Variants in CAMKMT observed in about 807,000 individuals in gnomAD.
CAMKMT encodes the protein calmodulin-lysine N-methyltransferase.
A neutral mutation model predicts 48.0 loss-of-function variants in CAMKMT; 53 were observed. That is an observed-to-expected ratio of 1.10 (90% CI 0.89 to 1.39). The LOEUF (loss-of-function observed/expected upper bound fraction) is 1.39. Ranked by LOEUF, CAMKMT falls within the 40% of genes most tolerant of loss-of-function variation. The pLI is 0.00. For missense variants in CAMKMT, 428 were observed against 402.7 expected (o/e 1.06, Z -0.54); for synonymous variants, 165 against 152.3 (o/e 1.08, Z -0.61).
At chr2:44,631,089 C>T (rs1195848047) in intron 3 of CAMKMT, among the ~76,000 whole-genome samples, 3 of 152,166 alleles carry the variant, frequency 2.0e-5, no homozygotes, top group Non-Finnish European at 4.4e-5. Context: ...GAGTTCATGT[C>T]CTTTGTAGGA....
intron 3 of CAMKMT, among the ~76,000 whole-genome samples, chr2:44,418,458 A>T (rs1683717884): frequency 6.6e-6 from 1 of 152,046 alleles, no homozygotes; most frequent in Admixed American, 6.6e-5. Flanking sequence ...GTTGTTTTTC[A>T]CGTGGGTATT....
intron 7 of CAMKMT, among the ~76,000 whole-genome samples, chr2:44,719,291 C>T (rs1280376478): frequency 3.3e-5 from 5 of 152,172 alleles, no homozygotes; most frequent in Non-Finnish European, 7.3e-5. Flanking sequence ...TTAATTTCTG[C>T]TGCCCTTAGA....
chr2:44,752,278 G>T (rs1205002479), intron 8 of CAMKMT, among the ~76,000 whole-genome samples: 1 of 149,524 alleles, frequency 6.7e-6, no homozygotes, highest in Non-Finnish European at 1.5e-5. Flanking sequence ...TAAAGGTATG[G>T]CATGGCAAAA....
chr2:44,519,088 C>A (rs1670972981), intron 3 of CAMKMT, among the ~76,000 whole-genome samples: 1 of 152,146 alleles, frequency 6.6e-6, no homozygotes, highest in Admixed American at 6.5e-5. Flanking sequence ...AACTATTGAA[C>A]CTCTAGGATA....
chr2:44,668,147 C>G lies in CAMKMT; in HGVS notation c.377-36136C>G, dbSNP rs557599779. ...TCTTCAAACCCCTCCAATATCTCCT[C>G]TCCTATTATTCTCAGCTGATGACCT... is the stretch of plus-strand genomic sequence containing the variant. On this transcript the variant is annotated intron_variant, in intron 3 of 10. Coordinates refer to ENST00000378494, the MANE Select transcript of CAMKMT (RefSeq NM_024766.5). 3.3e-5 allele frequency among the ~76,000 whole-genome samples: 5 copies of G among 152,280 alleles called. No homozygotes were observed. The South Asian group carries it at 1.0e-3, about 32-fold the overall frequency.
chr2:44,372,586 T>C (rs962031785), intron 1 of CAMKMT, 130 bp from the exon 2 acceptor site: 12 of 663,970 alleles, frequency 1.8e-5, no homozygotes, highest in African/African-American at 5.5e-5. Context: ...GTAGGAGATA[T>C]ATCTGAATTA....
chr2:44,422,865 T>C (rs1684023070), intron 3 of CAMKMT, among the ~76,000 whole-genome samples: 1 of 152,140 alleles, frequency 6.6e-6, no homozygotes, highest in Admixed American at 6.5e-5. Flanking sequence ...AAGAGATACA[T>C]AGAACCAGTG....
chr2:44,406,194 A>G (rs1258382223), intron 3 of CAMKMT, among the ~76,000 whole-genome samples: 1 of 152,220 alleles, frequency 6.6e-6, no homozygotes, highest in Non-Finnish European at 1.5e-5. Context: ...GTGTTTTAGT[A>G]TGCCTCTAAT....
chr2:44,755,643 C>T (rs1303867578), intron 9 of CAMKMT, among the ~76,000 whole-genome samples: 1 of 152,072 alleles, frequency 6.6e-6, no homozygotes, highest in East Asian at 1.9e-4. Context: ...GCATGATTTA[C>T]AATAGAAAAG....
chr2:44,460,237 G>T (rs1667778977), intron 3 of CAMKMT, among the ~76,000 whole-genome samples: 1 of 152,124 alleles, frequency 6.6e-6, no homozygotes, highest in Non-Finnish European at 1.5e-5. Context: ...TCATTTTGTT[G>T]TTAGTCTTGA....
intron 7 of CAMKMT, among the ~76,000 whole-genome samples, chr2:44,730,355 AG>A (rs1166536997): frequency 1.3e-5 from 2 of 152,168 alleles, no homozygotes; most frequent in East Asian, 1.9e-4. Flanking sequence ...CTCCTTTGGT[AG>A]TACCTTACTT....
rs539408680 is a variant in CAMKMT, at chr2:44,702,866, C to A, written c.377-1417C>A. ...ACCCCCTGAATCTCTTAGGAGTTTA[C>A]TTAACATTTCTTTAACACCCTCTTC... On this transcript the variant is annotated intron_variant, in intron 3 of 10. Transcript: ENST00000378494. 1.1e-4 allele frequency among the ~76,000 whole-genome samples: 16 copies of A among 152,300 alleles called. No individual in the cohort carries two copies. The South Asian group carries it at 3.3e-3, about 32-fold the overall frequency.
chr2:44,413,075 CA>C (rs929207688), intron 3 of CAMKMT, among the ~76,000 whole-genome samples: 1 of 149,932 alleles, frequency 6.7e-6, no homozygotes, highest in Non-Finnish European at 1.5e-5. Flanking sequence ...GACTCCATCT[CA>C]AAAAAAATAA....
intron 3 of CAMKMT, among the ~76,000 whole-genome samples, chr2:44,558,729 G>A (rs955210513): frequency 1.3e-5 from 2 of 152,096 alleles, no homozygotes; most frequent in Non-Finnish European, 2.9e-5. Flanking sequence ...GGAGCTAAAC[G>A]TTGAGTACAC....
At chr2:44,682,603 T>G (rs566378331) in intron 3 of CAMKMT, among the ~76,000 whole-genome samples, 106 of 152,300 alleles carry the variant, frequency 7.0e-4, no homozygotes, top group African/African-American at 2.4e-3. Flanking sequence ...ATGCAGCTGG[T>G]CTCTGGATGA....
intron 2 of CAMKMT, among the ~76,000 whole-genome samples, chr2:44,385,364 G>A (rs899923218): frequency 1.3e-5 from 2 of 152,124 alleles, no homozygotes; most frequent in Admixed American, 6.5e-5. Flanking sequence ...TCTTTTATCA[G>A]TTCTAGGAGC....
chr2:44,375,087 T>G lies in CAMKMT; in HGVS notation c.311+2199T>G, dbSNP rs535000258. On this transcript the variant is annotated intron_variant, in intron 2 of 10. Coordinates refer to ENST00000378494, the MANE Select transcript of CAMKMT (RefSeq NM_024766.5). Reference sequence around the variant, plus strand: ...TCAAGGCTGCAGTGAGCCATAATCATGCCACTGCACTCCAGTTTGGGCGAT... The same window carrying G: ...TCAAGGCTGCAGTGAGCCATAATCAGGCCACTGCACTCCAGTTTGGGCGAT... Among the ~76,000 whole-genome samples, 69 of 152,184 alleles carry G rather than the reference T, an allele frequency of 4.5e-4. 1 individual carries two copies. Among genetic ancestry groups the G allele is most frequent in the African/African-American group, 1.6e-3 (66 of 41,530 alleles).
At chr2:44,480,858 A>T (rs943525809) in intron 3 of CAMKMT, among the ~76,000 whole-genome samples, 1 of 152,068 alleles carries the variant, frequency 6.6e-6, no homozygotes, top group Non-Finnish European at 1.5e-5. Flanking sequence ...TAAAACATAC[A>T]TATTTATATG....
intron 3 of CAMKMT, among the ~76,000 whole-genome samples, chr2:44,559,607 C>A (rs1189696813): frequency 6.6e-6 from 1 of 151,994 alleles, no homozygotes; most frequent in Admixed American, 6.6e-5. Flanking sequence ...AATCTGTTAT[C>A]CCTTTGAAAG....
Sources: allele counts gnomAD v4.1 joint callset (sites outside exome capture counted in the v4.1 genomes callset), GRCh38; gene constraint gnomAD v4.1.1; transcripts MANE v1.5; gene names NCBI Gene and HGNC (gene_info 2026-07-23, HGNC 2026-07-21).